Variants in IL1RAPL2 observed in about 807,000 individuals in gnomAD.
The protein encoded by IL1RAPL2 is interleukin 1 receptor accessory protein like 2.
IL1RAPL2 carries 3 observed loss-of-function variants against 44.1 expected under a neutral mutation model. The ratio of observed to expected loss-of-function variants is 0.07; its 90% CI spans 0.03 to 0.18. IL1RAPL2 has a LOEUF of 0.18. Among genes scored for constraint, IL1RAPL2 ranks in the 10% least tolerant of loss-of-function variants. The pLI, the probability that IL1RAPL2 is intolerant of heterozygous loss-of-function variation, is 1.00. For synonymous variants in IL1RAPL2, 181 were observed against 178.8 expected (o/e 1.01, Z -0.10); for missense variants, 391 against 496.4 (o/e 0.79, Z 2.02).
chrX:104,989,463 A>AT (rs1033049373), intron 2 of IL1RAPL2, among the ~76,000 whole-genome samples: 3 of 111,117 alleles, frequency 2.7e-5, no homozygotes, highest in African/African-American at 6.6e-5. Flanking sequence ...CTCATTAAAT[A>AT]TTTTTTCCAG....
At chrX:105,304,030 T>C (rs2034716243) in intron 5 of IL1RAPL2, among the ~76,000 whole-genome samples, 1 of 112,701 alleles carries the variant, frequency 8.9e-6, no homozygotes, top group African/African-American at 3.2e-5. Context: ...CAGCCCCTGG[T>C]TTAAAGAAGC....
chrX:105,659,542 A>G (rs1306080051), intron 6 of IL1RAPL2, among the ~76,000 whole-genome samples: 1 of 108,725 alleles, frequency 9.2e-6, no homozygotes, highest in African/African-American at 3.4e-5. Flanking sequence ...CTGTAGTCCC[A>G]GCCACTCGGG....
At chrX:105,560,275 T>G (rs181524979) in intron 6 of IL1RAPL2, among the ~76,000 whole-genome samples, 1 of 111,661 alleles carries the variant, frequency 9.0e-6, no homozygotes, top group African/African-American at 3.3e-5. Context: ...TAAGATATAT[T>G]CTATGGCAAG....
intron 2 of IL1RAPL2, among the ~76,000 whole-genome samples, chrX:104,955,902 A>G (rs1203516546): frequency 2.7e-5 from 3 of 111,755 alleles, no homozygotes; most frequent in Admixed American, 9.6e-5. Context: ...TAATTTGGGG[A>G]AAAAAATAGG....
chrX:104,886,231 G>C (rs1923238423), intron 2 of IL1RAPL2, among the ~76,000 whole-genome samples: 1 of 112,349 alleles, frequency 8.9e-6, no homozygotes, highest in Non-Finnish European at 1.9e-5. Flanking sequence ...TTATTAGGGA[G>C]GGATATATTA....
At chrX:104,984,642 A>G (rs921531593) in intron 2 of IL1RAPL2, among the ~76,000 whole-genome samples, 1 of 112,232 alleles carries the variant, frequency 8.9e-6, no homozygotes. Context: ...TATGCTAATC[A>G]TGGGTTAGGG....
chrX:104,568,504 C>G (rs996707120), intron 1 of IL1RAPL2, among the ~76,000 whole-genome samples: 2 of 112,085 alleles, frequency 1.8e-5, no homozygotes, highest in African/African-American at 6.5e-5. Context: ...TGAGCCGACC[C>G]GTACGGTGTG....
chrX:104,954,875 G>A (rs1368585737), intron 2 of IL1RAPL2, among the ~76,000 whole-genome samples: 1 of 113,066 alleles, frequency 8.8e-6, no homozygotes, highest in Non-Finnish European at 1.9e-5. Context: ...AGCCTGTGGT[G>A]GAAGAAAACA....
At chrX:105,501,494 T>G (rs901967602) in intron 6 of IL1RAPL2, among the ~76,000 whole-genome samples, 2 of 110,363 alleles carry the variant, frequency 1.8e-5, no homozygotes, top group African/African-American at 6.6e-5. Context: ...CATGGTAGTG[T>G]GTGCCTGTGA....
intron 2 of IL1RAPL2, among the ~76,000 whole-genome samples, chrX:105,104,079 G>A (rs1286877985): frequency 1.8e-5 from 2 of 111,516 alleles, no homozygotes; most frequent in Non-Finnish European, 3.8e-5. Flanking sequence ...AGGAGTCTGA[G>A]CTTCAGGGCC....
At chrX:104,932,009 T>TTTTTA (rs1924917833) in intron 2 of IL1RAPL2, among the ~76,000 whole-genome samples, 1 of 93,396 alleles carries the variant, frequency 1.1e-5, no homozygotes, top group Non-Finnish European at 2.2e-5. Flanking sequence ...TTTTTTTTTT[T>TTTTTA]GAGACAGAGT....
chrX:104,776,275 A>G (rs1932717467), intron 2 of IL1RAPL2, among the ~76,000 whole-genome samples: 1 of 111,831 alleles, frequency 8.9e-6, no homozygotes, highest in African/African-American at 3.3e-5. Context: ...CTATTTACAG[A>G]GATATAGCTA....
At chrX:105,584,872 T>C (rs1447725789) in intron 6 of IL1RAPL2, among the ~76,000 whole-genome samples, 2 of 111,213 alleles carry the variant, frequency 1.8e-5, no homozygotes, top group Non-Finnish European at 3.8e-5. Context: ...TTCTTTCCTC[T>C]TCTGGAGCTC....
At chrX:104,880,502 A>G (rs1923034731) in intron 2 of IL1RAPL2, among the ~76,000 whole-genome samples, 1 of 111,877 alleles carries the variant, frequency 8.9e-6, no homozygotes, top group Admixed American at 9.5e-5. Context: ...GAAGATTTAG[A>G]CAAGTAAGGC....
At chrX:105,520,378 A>G (rs1302588939) in intron 6 of IL1RAPL2, among the ~76,000 whole-genome samples, 2 of 112,153 alleles carry the variant, frequency 1.8e-5, no homozygotes, top group African/African-American at 6.5e-5. Flanking sequence ...ACTTTTTGAA[A>G]TTGTTTTTCA....
chrX:105,755,466 A>G, intron 10 of IL1RAPL2, 119 bp downstream of exon 10: 1 of 507,317 alleles, frequency 2.0e-6, no homozygotes. Context: ...AGTTTCTTAA[A>G]TCCAAATTTT....
At chrX:105,405,017 T>C (rs1321967976) in intron 5 of IL1RAPL2, among the ~76,000 whole-genome samples, 1 of 111,627 alleles carries the variant, frequency 9.0e-6, no homozygotes, top group Middle Eastern at 4.7e-3. Context: ...TTCTCACATA[T>C]GGTTATATAC....
At chrX:105,755,875 G>C (rs1208469083) in intron 10 of IL1RAPL2, among the ~76,000 whole-genome samples, 1 of 111,908 alleles carries the variant, frequency 8.9e-6, no homozygotes, top group East Asian at 2.8e-4. Context: ...CAAGACACTT[G>C]AATGCTAGGC....
intron 2 of IL1RAPL2, among the ~76,000 whole-genome samples, chrX:104,805,256 C>T (rs777898060): frequency 9.0e-6 from 1 of 111,691 alleles, no homozygotes; most frequent in Non-Finnish European, 1.9e-5. Flanking sequence ...GAACGCTAAG[C>T]ATGTGGGAAT....
Sources: gnomAD v4.1 joint callset for allele counts (sites outside exome capture counted in the v4.1 genomes callset) on GRCh38, gnomAD v4.1.1 for gene constraint, MANE v1.5 for transcripts, NCBI Gene and HGNC (gene_info 2026-07-23, HGNC 2026-07-21) for gene names.